The following EIF2AK2 variants were observed in gnomAD, a reference collection of about 807,000 sequenced individuals.
The protein encoded by EIF2AK2 is eukaryotic translation initiation factor 2 alpha kinase 2.
A neutral mutation model predicts 70.5 loss-of-function variants in EIF2AK2; 40 were observed. That is an observed-to-expected ratio of 0.57 (90% CI 0.44 to 0.74). The LOEUF is 0.74. EIF2AK2 is among the 30% of genes least tolerant of loss of function. The pLI, the probability that EIF2AK2 is intolerant of heterozygous loss-of-function variation, is 0.00. For synonymous variants in EIF2AK2, 198 were observed against 220.9 expected, an observed-to-expected ratio of 0.90 and a Z score of 0.92; for missense variants, 555 against 644.3, an observed-to-expected ratio of 0.86 and a Z score of 1.50.
intron 15 of EIF2AK2, among the ~76,000 whole-genome samples, chr2:37,108,210 C>CT (rs944599342): frequency 3.3e-5 from 5 of 151,776 alleles, no homozygotes; most frequent in African/African-American, 9.7e-5. Flanking sequence ...TCCCCACTGT[C>CT]TAAGCAAGAA....
chr2:37,128,783 C>T (rs1471019514), intron 10 of EIF2AK2, among the ~76,000 whole-genome samples: 2 of 152,128 alleles, frequency 1.3e-5, no homozygotes, highest in African/African-American at 4.8e-5. Flanking sequence ...TGATGCAGTC[C>T]CCCATAGAGG....
intron 1 of EIF2AK2, among the ~76,000 whole-genome samples, chr2:37,154,530 T>A (rs961371870): frequency 6.6e-6 from 1 of 151,974 alleles, no homozygotes; most frequent in African/African-American, 2.4e-5. Flanking sequence ...CCTCTCCCTG[T>A]CTTAGCTTGG....
At chr2:37,145,936 TAG>T (rs2148710538) in intron 4 of EIF2AK2, among the ~76,000 whole-genome samples, 1 of 151,864 alleles carries the variant, frequency 6.6e-6, no homozygotes, top group Admixed American at 6.6e-5. Context: ...GTATTTTTAG[TAG>T]AGACAGGGTT....
At chr2:37,122,157 CTA>C (rs3832129) in intron 12 of EIF2AK2, among the ~76,000 whole-genome samples, 40,967 of 151,886 alleles carry the variant, frequency 0.27, 5,794 homozygotes, top group East Asian at 0.56. Context: ...GATGCAGCAT[CTA>C]TATGTTAAAA....
At chr2:37,130,611 T>C (rs1386140605) in intron 10 of EIF2AK2, among the ~76,000 whole-genome samples, 1 of 152,206 alleles carries the variant, frequency 6.6e-6, no homozygotes, top group African/African-American at 2.4e-5. Flanking sequence ...ACCTCAAAGA[T>C]GCCTTTTATA....
chr2:37,152,449 C>G (rs566600475), intron 1 of EIF2AK2, among the ~76,000 whole-genome samples: 1 of 152,186 alleles, frequency 6.6e-6, no homozygotes, highest in African/African-American at 2.4e-5. Context: ...ACCACCACGC[C>G]CAGCTAATTT....
intron 10 of EIF2AK2, among the ~76,000 whole-genome samples, chr2:37,133,316 C>G (rs1675013077): frequency 6.6e-6 from 1 of 152,122 alleles, no homozygotes; most frequent in Non-Finnish European, 1.5e-5. Context: ...TTTGTTCCAC[C>G]TCAGGGTCAA....
In EIF2AK2 at chr2:37,110,453, C is replaced by T. The variant is rs572561512; in HGVS notation, c.1378-1158G>A. 2.0e-5 allele frequency among the ~76,000 whole-genome samples: 3 copies of T among 151,930 alleles called. No individual in the cohort carries two copies. The South Asian group carries it at 6.2e-4, about 32-fold the overall frequency. On this transcript the variant is annotated intron_variant, in intron 14 of 16. Coordinates refer to ENST00000233057, the MANE Select transcript of EIF2AK2 (RefSeq NM_001135651.3). ...CACACACATAATAAAAAGTAAAGTACAATGATGAATGTTTTTAACCAAATA... is the reference window on the plus strand; with the variant it reads ...CACACACATAATAAAAAGTAAAGTATAATGATGAATGTTTTTAACCAAATA...
At chr2:37,122,185 T>A (rs1218612137) in intron 12 of EIF2AK2, among the ~76,000 whole-genome samples, 2 of 152,094 alleles carry the variant, frequency 1.3e-5, no homozygotes, top group Non-Finnish European at 2.9e-5. Context: ...TTCACAAGAC[T>A]ACACTTAAAC....
At chr2:37,151,770 G>A (rs1435256668) in intron 1 of EIF2AK2, among the ~76,000 whole-genome samples, 1 of 152,218 alleles carries the variant, frequency 6.6e-6, no homozygotes, top group East Asian at 1.9e-4. Flanking sequence ...AAAAAATGAA[G>A]TACTGATACA....
At chr2:37,122,331 C>G (rs1349777208) in intron 12 of EIF2AK2, among the ~76,000 whole-genome samples, 175 bp downstream of exon 12, 1 of 152,106 alleles carries the variant, frequency 6.6e-6, no homozygotes. Flanking sequence ...AGAGGAGGAG[C>G]AAGGAAGAGA....
intron 10 of EIF2AK2, among the ~76,000 whole-genome samples, chr2:37,129,609 G>C (rs1037832694): frequency 3.3e-5 from 5 of 152,178 alleles, no homozygotes; most frequent in African/African-American, 4.8e-5. Context: ...ACTGGGGCAA[G>C]TCTACTGGCA....
At chr2:37,111,849 A>G (rs1674158618) in intron 14 of EIF2AK2, among the ~76,000 whole-genome samples, 3 of 125,700 alleles carry the variant, frequency 2.4e-5, no homozygotes, top group Non-Finnish European at 4.9e-5. Context: ...GGTGAAAAGC[A>G]AGACCCTGTC....
rs766446872 is a variant in EIF2AK2 at position 37,120,181 on chromosome 2, A to G, written c.1068-42T>C. 6.8e-6 allele frequency: 8 copies of G among 1,180,966 alleles called. No homozygotes were observed. In the Admixed American group the frequency reaches 3.1e-4, roughly 45 times the overall value. The allele number at this position is 1,180,966 out of a possible 1,614,324, so 73.2% of individuals were successfully genotyped here. On this transcript the variant is annotated intron_variant, in intron 12 of 16. Transcript: ENST00000233057. ...CAGTATGTTAAAAGTAACAATAAAT[A>G]TAAATTTATAAAAAATTTTTTATAA... is the stretch of plus-strand genomic sequence containing the variant.
intron 14 of EIF2AK2, among the ~76,000 whole-genome samples, 180 bp downstream of exon 14, chr2:37,114,551 G>C (rs1367816947): frequency 6.6e-6 from 1 of 151,978 alleles, no homozygotes; most frequent in East Asian, 1.9e-4. Context: ...TTATAACTCA[G>C]AAAATTATCT....
Position 37,148,907 on chromosome 2 carries a change from A to C in EIF2AK2, c.-67T>G. On this transcript the variant is annotated 5_prime_UTR_variant, in exon 2 of 17. Coordinates refer to ENST00000233057, the MANE Select transcript of EIF2AK2 (RefSeq NM_001135651.3). ...CACGCAGATAATCACGGAAGTGTGG[A>C]TGTTGATTCTGAAGACCGCCAGAGA... 2 of 825,912 alleles carry C rather than the reference A, an allele frequency of 2.4e-6. No homozygotes were observed. The highest frequency in any genetic ancestry group is 4.3e-6 in the Non-Finnish European group (2 of 461,140). The allele number at this position is 825,912 out of a possible 1,614,324, so 51.2% of individuals were successfully genotyped here.
intron 10 of EIF2AK2, among the ~76,000 whole-genome samples, chr2:37,127,845 C>T (rs1324109707): frequency 2.6e-5 from 4 of 151,518 alleles, no homozygotes; most frequent in East Asian, 1.9e-4. Flanking sequence ...CAGGTTCAAG[C>T]GATTCTCCTG....
rs775762924 is a variant in EIF2AK2, at chr2:37,138,318, T to C, written c.639A>G (p.Ser213=). ...AACTGTCACTGTTAGAATTTATCTC[T>C]GATGTATCTGCTGAGAAGTCACCTT... ...SSEGDFSADT[S]EINSNSDSLN... Residue 213 remains serine, a synonymous_variant, in exon 8 of 17, where the codon TCA becomes TCG. Transcript: ENST00000233057. 6.2e-7 allele frequency: 1 copy of C among 1,613,874 alleles called. No homozygotes were observed.
Position 37,100,778 on chromosome 2 carries a change from A to G in EIF2AK2, c.*6495T>C, listed in dbSNP as rs369636076. The G allele has an allele frequency of 3.4e-4, 52 of 152,356 alleles. No homozygotes were observed. Among genetic ancestry groups the G allele is most frequent in the African/African-American group, 1.2e-3 (51 of 41,582 alleles). 9.4% of individuals were successfully genotyped at this position (152,356 alleles called of 1,614,324 possible). Reference sequence around the variant, plus strand: ...GCAGCACCTCAAGCTCACTGTCACCAAATGGGATTCAACGTCTTTCCTCCC... The same window carrying G: ...GCAGCACCTCAAGCTCACTGTCACCGAATGGGATTCAACGTCTTTCCTCCC... On this transcript the variant is annotated 3_prime_UTR_variant, in exon 17 of 17. Coordinates refer to ENST00000233057, the MANE Select transcript of EIF2AK2 (RefSeq NM_001135651.3).
Sources: allele counts gnomAD v4.1 joint callset (sites outside exome capture counted in the v4.1 genomes callset), GRCh38; gene constraint gnomAD v4.1.1; transcripts MANE v1.5; gene names NCBI Gene and HGNC (gene_info 2026-07-23, HGNC 2026-07-21).